Variants in PRSS23 observed in about 807,000 individuals in gnomAD.
PRSS23 encodes the protein serine protease 23, also known as protease, serine 23.
In PRSS23, 25 loss-of-function variants were observed where a neutral mutation model predicts 34.7. That is an observed-to-expected ratio of 0.72 (90% CI 0.53 to 1.01). PRSS23 has a LOEUF of 1.01. Ranked by LOEUF, PRSS23 falls within the 50% of genes least tolerant of loss-of-function variation. The pLI, the probability that PRSS23 is intolerant of heterozygous loss-of-function variation, is 0.00. For synonymous variants in PRSS23, 176 were observed against 186.6 expected, an observed-to-expected ratio of 0.94 and a Z score of 0.46; for missense variants, 445 against 475.6, an observed-to-expected ratio of 0.94 and a Z score of 0.60.
At chr11:86,796,523 C>G (rs1021105373), upstream of PRSS23, among the ~76,000 whole-genome samples, 1 of 150,984 alleles carries the variant, frequency 6.6e-6, no homozygotes. Flanking sequence ...CGCCTGTAGT[C>G]CCAGCTACTC....
At chr11:86,911,601 C>G (rs1948978266) in intron 2 of PRSS23, 1 of 152,148 alleles carries the variant, frequency 6.6e-6, no homozygotes, top group African/African-American at 2.4e-5. Flanking sequence ...AGTTATTTCA[C>G]TTAGGATAAT....
At chr11:86,853,151 G>GTC (rs1948542923) in intron 2 of PRSS23, among the ~76,000 whole-genome samples, 1 of 150,568 alleles carries the variant, frequency 6.6e-6, no homozygotes, top group Non-Finnish European at 1.5e-5. Flanking sequence ...ACTGAGCCCG[G>GTC]TCGTGTTTAT....
intron 2 of PRSS23, among the ~76,000 whole-genome samples, chr11:86,912,915 ATTTG>A (rs374791078): frequency 1.3e-5 from 2 of 151,988 alleles, no homozygotes; most frequent in African/African-American, 2.4e-5. Context: ...TGTTATTTTT[ATTTG>A]TTTGTTTGTT....
intron 2 of PRSS23, among the ~76,000 whole-genome samples, chr11:86,905,825 T>G (rs1948938054): frequency 1.3e-5 from 2 of 152,152 alleles, no homozygotes; most frequent in East Asian, 3.9e-4. Context: ...GCAATGCTGC[T>G]CTTACCTGAA....
intron 1 of PRSS23, among the ~76,000 whole-genome samples, chr11:86,822,703 C>A (rs1037852119): frequency 6.6e-6 from 1 of 151,736 alleles, no homozygotes; most frequent in African/African-American, 2.4e-5. Context: ...AAAGGAAAAC[C>A]CTGTTTACAA....
downstream of PRSS23, among the ~76,000 whole-genome samples, chr11:86,812,457 C>G (rs1948185434): frequency 6.6e-6 from 1 of 152,150 alleles, no homozygotes; most frequent in African/African-American, 2.4e-5. Flanking sequence ...TGGGGTTCCC[C>G]CCGGAGGAGG....
chr11:86,840,155 C>A (rs1314743706), intron 2 of PRSS23, among the ~76,000 whole-genome samples: 1 of 152,050 alleles, frequency 6.6e-6, no homozygotes, highest in Non-Finnish European at 1.5e-5. Context: ...TACAGATTGG[C>A]AAATTGGATA....
intron 2 of PRSS23, among the ~76,000 whole-genome samples, chr11:86,874,668 A>G (rs1016966242): frequency 1.3e-5 from 2 of 152,226 alleles, no homozygotes; most frequent in African/African-American, 4.8e-5. Context: ...CTATTGACTT[A>G]TAACACACAA....
chr11:86,947,226 CA>C (rs1949251456), intron 2 of PRSS23: 6 of 165,870 alleles, frequency 3.6e-5, no homozygotes, highest in East Asian at 1.8e-4. Flanking sequence ...AACAAACAAA[CA>C]AACAAACAAC....
chr11:86,802,168 C>T (rs1472594544), intron 1 of PRSS23, among the ~76,000 whole-genome samples: 1 of 152,194 alleles, frequency 6.6e-6, no homozygotes, highest in African/African-American at 2.4e-5. Flanking sequence ...TCATGCCTAA[C>T]TCCCACAGAC....
At chr11:86,821,127 T>C (rs868865703) in intron 1 of PRSS23, 16 of 570,042 alleles carry the variant, frequency 2.8e-5, no homozygotes, top group Admixed American at 2.7e-4. Context: ...TGTACATTTT[T>C]CCATGATTCC....
At chr11:86,859,704 C>A (rs1344877616) in intron 2 of PRSS23, among the ~76,000 whole-genome samples, 3 of 151,804 alleles carry the variant, frequency 2.0e-5, no homozygotes, top group Admixed American at 1.3e-4. Flanking sequence ...AAGTGTACAC[C>A]CCCCCTTCAT....
At chr11:86,812,385 C>T (rs948644076), downstream of PRSS23, among the ~76,000 whole-genome samples, 5 of 152,142 alleles carry the variant, frequency 3.3e-5, no homozygotes, top group Non-Finnish European at 5.9e-5. Context: ...GTGGGGTCAT[C>T]GTACATACAT....
intron 2 of PRSS23, among the ~76,000 whole-genome samples, chr11:86,929,389 T>C (rs1565389486): frequency 6.7e-6 from 1 of 150,272 alleles, no homozygotes; most frequent in Admixed American, 6.6e-5. Flanking sequence ...ATGCCTATAA[T>C]CCTAGTACTT....
chr11:86,937,819 A>G (rs1289225340), intron 2 of PRSS23: 1 of 152,156 alleles, frequency 6.6e-6, no homozygotes, highest in Non-Finnish European at 1.5e-5. Flanking sequence ...CTTTCACTTT[A>G]TGGACTCGCC....
intron 2 of PRSS23, among the ~76,000 whole-genome samples, chr11:86,940,561 T>C (rs1382824177): frequency 6.6e-6 from 1 of 152,104 alleles, no homozygotes; most frequent in Admixed American, 6.5e-5. Context: ...GAGCAAGCTA[T>C]GTAAAAACAC....
chr11:86,873,440 A>C (rs1948700730), intron 2 of PRSS23, among the ~76,000 whole-genome samples: 2 of 151,628 alleles, frequency 1.3e-5, no homozygotes, highest in Non-Finnish European at 1.5e-5. Flanking sequence ...CACCATGCCC[A>C]GCTCATTTGT....
At chr11:86,873,107 C>G (rs939635575) in intron 2 of PRSS23, among the ~76,000 whole-genome samples, 1 of 151,560 alleles carries the variant, frequency 6.6e-6, no homozygotes, top group Admixed American at 6.6e-5. Flanking sequence ...TATTGTCTAT[C>G]CAACCCCCTC....
chr11:86,937,212 A>T (rs1192698372), intron 2 of PRSS23: 2 of 152,214 alleles, frequency 1.3e-5, no homozygotes, highest in African/African-American at 2.4e-5. Context: ...ATCTTTTGAG[A>T]TCACAGACCC....
Sources: gnomAD v4.1 joint callset for allele counts (sites outside exome capture counted in the v4.1 genomes callset) on GRCh38, gnomAD v4.1.1 for gene constraint, MANE v1.5 for transcripts, NCBI Gene and HGNC (gene_info 2026-07-23, HGNC 2026-07-21) for gene names.